Variants in MET observed in about 807,000 individuals in gnomAD.
MET encodes the protein MET proto-oncogene, receptor tyrosine kinase, also known as hepatocyte growth factor receptor.
A neutral mutation model predicts 133.1 loss-of-function variants in MET; 48 were observed. The ratio of observed to expected loss-of-function variants is 0.36; its 90% confidence interval spans 0.29 to 0.46. MET has a LOEUF of 0.46. MET is among the 20% of genes least tolerant of loss of function. MET has a pLI of 1.00. For missense variants in MET, 1,442 were observed against 1,695.9 expected, an observed-to-expected ratio of 0.85 and a Z score of 2.63; for synonymous variants, 628 against 616.5, an observed-to-expected ratio of 1.02 and a Z score of -0.28.
intron 10 of MET, among the ~76,000 whole-genome samples, chr7:116,760,811 T>C (rs1339282614): frequency 6.6e-6 from 1 of 152,166 alleles, no homozygotes; most frequent in African/African-American, 2.4e-5. Context: ...TCCTGAGAGA[T>C]TGTACTCTAG....
chr7:116,736,368 T>A (rs1040233509), intron 3 of MET, among the ~76,000 whole-genome samples: 8 of 150,892 alleles, frequency 5.3e-5, no homozygotes, highest in Non-Finnish European at 8.9e-5. Flanking sequence ...AAAAAAAAAA[T>A]TAAAACCGTT....
At chr7:116,729,610 A>C (rs923038187) in intron 2 of MET, among the ~76,000 whole-genome samples, 4 of 152,232 alleles carry the variant, frequency 2.6e-5, no homozygotes, top group African/African-American at 9.6e-5. Flanking sequence ...TTATAGTTAC[A>C]TACAAAGATG....
intron 19 of MET, among the ~76,000 whole-genome samples, chr7:116,788,769 A>G (rs1380465485): frequency 1.3e-5 from 2 of 152,232 alleles, no homozygotes; most frequent in Non-Finnish European, 2.9e-5. Context: ...AAAAGCATGC[A>G]ATGAGCTATG....
intron 3 of MET, among the ~76,000 whole-genome samples, chr7:116,738,022 T>A (rs1793289837): frequency 6.6e-6 from 1 of 152,132 alleles, no homozygotes; most frequent in Non-Finnish European, 1.5e-5. Flanking sequence ...AAAATGCAGG[T>A]GTCCATTGCA....
At chr7:116,690,712 T>C (rs925369946) in intron 1 of MET, among the ~76,000 whole-genome samples, 1 of 152,226 alleles carries the variant, frequency 6.6e-6, no homozygotes, top group African/African-American at 2.4e-5. Context: ...AGTGGATCTA[T>C]CCACTTTTCC....
intron 2 of MET, among the ~76,000 whole-genome samples, chr7:116,710,754 A>T (rs544570215): frequency 2.3e-4 from 35 of 152,302 alleles, no homozygotes; most frequent in Non-Finnish European, 4.4e-4. Context: ...CCATGGTGTT[A>T]ACTATATGCT....
chr7:116,714,584 G>A (rs940725075), intron 2 of MET, among the ~76,000 whole-genome samples: 7 of 152,184 alleles, frequency 4.6e-5, no homozygotes, highest in Non-Finnish European at 1.0e-4. Context: ...GTTAGCTATT[G>A]TACGTGTCAA....
At chr7:116,787,507 G>T (rs951352029) in intron 19 of MET, among the ~76,000 whole-genome samples, 1 of 152,214 alleles carries the variant, frequency 6.6e-6, no homozygotes, top group Non-Finnish European at 1.5e-5. Flanking sequence ...ATAACATGGT[G>T]GAAGGCATCA....
At chr7:116,702,284 G>A (rs984296847) in intron 2 of MET, among the ~76,000 whole-genome samples, 2 of 152,050 alleles carry the variant, frequency 1.3e-5, no homozygotes, top group Non-Finnish European at 2.9e-5. Flanking sequence ...CTTTTACACT[G>A]GCCAAATTCC....
At chr7:116,757,240 A>G (rs1285805044) in intron 6 of MET, among the ~76,000 whole-genome samples, 197 bp from the exon 7 acceptor site, 1 of 152,136 alleles carries the variant, frequency 6.6e-6, no homozygotes, top group Non-Finnish European at 1.5e-5. Context: ...CTCTTTTTAC[A>G]TAAAAATAAA....
chr7:116,778,685 T>C (rs2096729957), intron 16 of MET, 91 bp from the exon 17 acceptor site: 8 of 1,328,796 alleles, frequency 6.0e-6, no homozygotes, highest in Non-Finnish European at 8.6e-6. Flanking sequence ...AACTGTGTGG[T>C]TTACCATTTC....
intron 2 of MET, among the ~76,000 whole-genome samples, chr7:116,726,171 A>ATATATATATACACACAC (rs1792774352): frequency 8.2e-6 from 1 of 122,626 alleles, no homozygotes; most frequent in Non-Finnish European, 1.7e-5. Context: ...ATATATATAT[A>ATATATATATACACACAC]TATATATGGG....
At chr7:116,760,430 C>T (rs916702214) in intron 10 of MET, among the ~76,000 whole-genome samples, 1 of 152,070 alleles carries the variant, frequency 6.6e-6, no homozygotes, top group Admixed American at 6.6e-5. Flanking sequence ...TTAGTTTAGA[C>T]CTTAGAAAGC....
At chr7:116,759,210 T>G (rs1311091263) in intron 9 of MET, 181 bp from the exon 10 acceptor site, 2 of 834,774 alleles carry the variant, frequency 2.4e-6, no homozygotes, top group Non-Finnish European at 3.6e-6. Context: ...AATATGCATT[T>G]TAAAAATATT....
intron 1 of MET, among the ~76,000 whole-genome samples, chr7:116,691,207 T>C (rs1796769169): frequency 6.6e-6 from 1 of 152,234 alleles, no homozygotes; most frequent in South Asian, 2.1e-4. Flanking sequence ...CTTAGATCCA[T>C]TATTTCCATT....
At position 116,699,325 on chromosome 7, in the gene MET, G is replaced by C. The variant is rs757883355; in HGVS notation, c.241G>C (p.Val81Leu). Residue 81 changes from valine (V) to leucine (L), a missense_variant, in exon 2 of 21, where the codon GTT becomes CTT. By Grantham distance (32) the Val-to-Leu change is conservative. Coordinates refer to ENST00000397752, the MANE Select transcript of MET (RefSeq NM_000245.4). ...YVLNEEDLQK[V>L]AEYKTGPVLE... ...TTTAAATGAGGAAGACCTTCAGAAG[G>C]TTGCTGAGTACAAGACTGGGCCTGT... 6.2e-7 allele frequency: 1 copy of C among 1,614,046 alleles called. No individual in the cohort carries two copies. Among genetic ancestry groups the C allele is most frequent in the Non-Finnish European group, 8.5e-7 (1 of 1,179,954 alleles).
At chr7:116,753,080 G>A (rs914957605) in intron 5 of MET, among the ~76,000 whole-genome samples, 1 of 152,210 alleles carries the variant, frequency 6.6e-6, no homozygotes, top group African/African-American at 2.4e-5. Flanking sequence ...ATTTTTATGG[G>A]TAAAATGGCT....
chr7:116,684,552 C>T (rs1471526693), intron 1 of MET, among the ~76,000 whole-genome samples: 1 of 152,138 alleles, frequency 6.6e-6, no homozygotes, highest in Non-Finnish European at 1.5e-5. Context: ...GAGAAGGCTT[C>T]CCAGAACTGT....
intron 5 of MET, among the ~76,000 whole-genome samples, chr7:116,746,287 C>T (rs1351583207): frequency 6.6e-6 from 1 of 152,204 alleles, no homozygotes. Flanking sequence ...ACAATATGTG[C>T]TGGAGAGGAT....
Sources: allele counts gnomAD v4.1 joint callset (sites outside exome capture counted in the v4.1 genomes callset), GRCh38; gene constraint gnomAD v4.1.1; transcripts MANE v1.5; gene names NCBI Gene and HGNC (gene_info 2026-07-23, HGNC 2026-07-21).